Variants in AKAP6 observed in about 807,000 individuals in gnomAD.
AKAP6 encodes the protein A-kinase anchoring protein 6, also known as A-kinase anchor protein 6.
AKAP6 carries 58 observed loss-of-function variants against 188.5 expected under a neutral mutation model. The ratio of observed to expected loss-of-function variants is 0.31; its 90% CI spans 0.25 to 0.38. The LOEUF (loss-of-function observed/expected upper bound fraction) is 0.38, where lower values mean the gene tolerates loss of function less well. Among genes scored for constraint, AKAP6 ranks in the 10% least tolerant of loss-of-function variants. AKAP6 has a pLI of 1.00. For synonymous variants in AKAP6, 989 were observed against 998.6 expected (o/e 0.99, Z 0.18); for missense variants, 2,710 against 2,740.0 (o/e 0.99, Z 0.24).
At position 32,565,664 on chromosome 14, in the gene AKAP6, T is replaced by A. The variant is rs188564068; in HGVS notation, c.2347-11456T>A. 1.8e-3 allele frequency among the ~76,000 whole-genome samples: 273 copies of A among 152,354 alleles called. 2 individuals carry two copies. Among genetic ancestry groups the A allele is most frequent in the Non-Finnish European group, 2.3e-3 (159 of 68,036 alleles). On this transcript the variant is annotated intron_variant, in intron 4 of 13. Transcript: ENST00000280979. ...ATTCTCTCACACTCTGCATCAAAAC[T>A]TTAATGACCATTCCATTGTCTTCAG...
chr14:32,535,854 T>C (rs1566561195), intron 3 of AKAP6, 49 bp downstream of exon 3: 3 of 1,564,930 alleles, frequency 1.9e-6, no homozygotes, highest in African/African-American at 2.7e-5. Context: ...GTATGACCAA[T>C]TGAGAATGTT....
intron 2 of AKAP6, among the ~76,000 whole-genome samples, chr14:32,503,602 A>T (rs1372813342): frequency 6.6e-6 from 1 of 151,772 alleles, no homozygotes; most frequent in Non-Finnish European, 1.5e-5. Context: ...TGTATAATGG[A>T]TCCAACTTAC....
At chr14:32,567,001 C>T (rs1037493141) in intron 4 of AKAP6, among the ~76,000 whole-genome samples, 1 of 152,096 alleles carries the variant, frequency 6.6e-6, no homozygotes, top group African/African-American at 2.4e-5. Flanking sequence ...AGAGCTCCTG[C>T]AGCCTGGAAC....
intron 1 of AKAP6, among the ~76,000 whole-genome samples, chr14:32,420,339 C>T (rs1236210118): frequency 1.3e-5 from 2 of 152,016 alleles, no homozygotes; most frequent in African/African-American, 2.4e-5. Context: ...CCTACCCTGT[C>T]TCTCTCTTTC....
chr14:32,528,354 AGG>A (rs1262759384), intron 2 of AKAP6, among the ~76,000 whole-genome samples: 1 of 151,422 alleles, frequency 6.6e-6, no homozygotes, highest in Non-Finnish European at 1.5e-5. Context: ...TAAGGGTGTA[AGG>A]TCAATGTCTA....
chr14:32,372,096 C>T (rs914712069), intron 1 of AKAP6, among the ~76,000 whole-genome samples: 2 of 152,028 alleles, frequency 1.3e-5, no homozygotes, highest in Non-Finnish European at 2.9e-5. Context: ...GTCAGGGCCT[C>T]ACAGAGGAGA....
At chr14:32,723,888 T>C (rs1161097865) in intron 9 of AKAP6, among the ~76,000 whole-genome samples, 1 of 152,216 alleles carries the variant, frequency 6.6e-6, no homozygotes, top group Admixed American at 6.5e-5. Flanking sequence ...CTCAATTCCT[T>C]GATATCATCT....
At chr14:32,825,623 C>G (rs2034654304) in intron 13 of AKAP6, among the ~76,000 whole-genome samples, 1 of 152,146 alleles carries the variant, frequency 6.6e-6, no homozygotes, top group South Asian at 2.1e-4. Context: ...GATGATATGT[C>G]TCTAAAAGTG....
chr14:32,787,271 A>T (rs2033452031), intron 12 of AKAP6, among the ~76,000 whole-genome samples: 1 of 152,274 alleles, frequency 6.6e-6, no homozygotes. Context: ...TTATTTGGTG[A>T]TGCATATATT....
intron 7 of AKAP6, among the ~76,000 whole-genome samples, chr14:32,654,854 T>TA (rs34940494): frequency 7.4e-5 from 11 of 148,280 alleles, no homozygotes; most frequent in Non-Finnish European, 1.5e-4. Context: ...GTCTCAGGAA[T>TA]AAAAAAAAAA....
intron 7 of AKAP6, among the ~76,000 whole-genome samples, chr14:32,638,763 T>A: frequency 6.6e-6 from 1 of 152,058 alleles, no homozygotes; most frequent in East Asian, 1.9e-4. Flanking sequence ...TGGTATAGAA[T>A]GAACAGAACC....
chr14:32,686,236 A>G (rs1430839421), intron 8 of AKAP6, among the ~76,000 whole-genome samples: 1 of 152,124 alleles, frequency 6.6e-6, no homozygotes, highest in Admixed American at 6.5e-5. Flanking sequence ...GGATCTAAAA[A>G]TCAGAACAGT....
Position 32,822,025 on chromosome 14 carries a change from T to TG in AKAP6, c.4213dup (p.Ala1405GlyfsTer3). 3 of 1,613,960 alleles carry TG rather than the reference T, an allele frequency of 1.9e-6. No individual in the cohort carries two copies. The highest frequency in any genetic ancestry group is 2.5e-6 in the Non-Finnish European group (3 of 1,179,940). ...AACATCTGGACCCACAAATGGGAGA[T>TG]GCAGTTAACGTGTTAAAGCAAAAAT... On this transcript the variant is annotated frameshift_variant, in exon 13 of 14. Transcript: ENST00000280979. LOFTEE classifies it high-confidence loss of function.
chr14:32,480,402 A>G (rs933172076), intron 2 of AKAP6, among the ~76,000 whole-genome samples: 4 of 152,224 alleles, frequency 2.6e-5, no homozygotes, highest in South Asian at 2.1e-4. Context: ...GATTGAAACA[A>G]TAGTACAGTA....
intron 2 of AKAP6, among the ~76,000 whole-genome samples, chr14:32,532,304 T>A (rs1232147953): frequency 1.3e-5 from 2 of 152,212 alleles, no homozygotes; most frequent in African/African-American, 4.8e-5. Flanking sequence ...GGTCAGCACT[T>A]ATGGGAAGGG....
At chr14:32,352,100 TGTTTGTG>T (rs1566458678) in intron 1 of AKAP6, among the ~76,000 whole-genome samples, 115 of 116,788 alleles carry the variant, frequency 9.8e-4, no homozygotes, top group African/African-American at 3.8e-3. Context: ...TGTGTGTGTG[TGTTTGTG>T]TGTGTGTGTG....
chr14:32,792,622 C>A (rs746101908), intron 12 of AKAP6, among the ~76,000 whole-genome samples: 2 of 152,142 alleles, frequency 1.3e-5, no homozygotes, highest in African/African-American at 4.8e-5. Context: ...CTTTCTCTTG[C>A]CTGATTGCCC....
chr14:32,509,165 C>G (rs1357946688), intron 2 of AKAP6, among the ~76,000 whole-genome samples: 4 of 113,160 alleles, frequency 3.5e-5, no homozygotes, highest in African/African-American at 1.4e-4. Context: ...TGCTCTGTCT[C>G]CAAGGCTGGA....
chr14:32,780,155 A>AAAAATATATATATATATATATATAT (rs1555361856), intron 12 of AKAP6, among the ~76,000 whole-genome samples: 1 of 91,442 alleles, frequency 1.1e-5, no homozygotes. Flanking sequence ...TGAAAAAAAA[A>AAAAATATATATATATATATATATAT]ACATATATAT....
Sources: allele counts gnomAD v4.1 joint callset (sites outside exome capture counted in the v4.1 genomes callset), GRCh38; gene constraint gnomAD v4.1.1; transcripts MANE v1.5; gene names NCBI Gene and HGNC (gene_info 2026-07-23, HGNC 2026-07-21).